MSN: variants seen among roughly 807,000 people sequenced by gnomAD.
MSN encodes moesin.
A neutral mutation model predicts 48.0 loss-of-function variants in MSN; 2 were observed. The observed-to-expected ratio is 0.04, with a 90% CI of 0.02 to 0.13. The LOEUF (loss-of-function observed/expected upper bound fraction) is 0.13, where lower values mean the gene tolerates loss of function less well. MSN is among the 10% of genes least tolerant of loss of function. MSN has a pLI of 1.00. For missense variants in MSN, 267 were observed against 470.1 expected (o/e 0.57, Z 3.99); for synonymous variants, 146 against 166.9 (o/e 0.87, Z 0.97).
chrX:65,624,653 C>T (rs1602730521), intron 1 of MSN: 1 of 100,905 alleles, frequency 9.9e-6, no homozygotes, highest in Non-Finnish European at 2.0e-5. Flanking sequence ...GCATTTAGAA[C>T]TATAAATTTC....
chrX:65,737,168 T>C lies in MSN; in HGVS notation c.1091-10T>C. The C allele has an allele frequency of 8.3e-7, 1 of 1,200,487 alleles. No individual in the cohort carries two copies. Among genetic ancestry groups the C allele is most frequent in the South Asian group, 1.8e-5 (1 of 55,235 alleles). The stretch of plus-strand genomic sequence containing the variant: ...CTCTTCACTGCCTTCTCCCCTCCTT[T>C]TCTGCTCAGAACTGGAAGAACAGAC... On this transcript the variant is annotated splice_polypyrimidine_tract_variant and intron_variant, in intron 9 of 12. Transcript: ENST00000360270.
At chrX:65,650,052 C>CTTTTT (rs59222247) in intron 1 of MSN, among the ~76,000 whole-genome samples, 13 of 53,194 alleles carry the variant, frequency 2.4e-4, no homozygotes, top group African/African-American at 2.9e-4. Flanking sequence ...CCTTTTTTCT[C>CTTTTT]TTTTTTTTTT....
intron 1 of MSN, among the ~76,000 whole-genome samples, chrX:65,601,201 G>A (rs1436610802): frequency 1.8e-5 from 2 of 111,572 alleles, no homozygotes; most frequent in Non-Finnish European, 1.9e-5. Context: ...CGTGTGACTG[G>A]GTCTAGTCTC....
At chrX:65,724,038 CTT>C (rs1195274042) in intron 2 of MSN, among the ~76,000 whole-genome samples, 8 of 101,981 alleles carry the variant, frequency 7.8e-5, no homozygotes, top group African/African-American at 7.1e-5. Context: ...TGAATTCTCT[CTT>C]TTTTTTTTTT....
intron 2 of MSN, among the ~76,000 whole-genome samples, chrX:65,720,427 G>A (rs141195101): frequency 0.012 from 1,350 of 112,319 alleles, 15 homozygotes; most frequent in African/African-American, 0.041. Context: ...GAGGGACAGA[G>A]GTGGACCCCA....
chrX:65,724,447 C>A (rs969741257), intron 2 of MSN, among the ~76,000 whole-genome samples: 2 of 110,842 alleles, frequency 1.8e-5, no homozygotes, highest in Non-Finnish European at 3.8e-5. Context: ...CCTGGCTAAT[C>A]CTCCTTCTCT....
At chrX:65,611,772 T>G (rs1191579970) in intron 1 of MSN, among the ~76,000 whole-genome samples, 2 of 110,855 alleles carry the variant, frequency 1.8e-5, no homozygotes, top group Non-Finnish European at 3.8e-5. Flanking sequence ...GGTTTTTAAT[T>G]TTTTGAGGTA....
chrX:65,724,496 A>C (rs2071548612), intron 2 of MSN, among the ~76,000 whole-genome samples: 1 of 110,468 alleles, frequency 9.1e-6, no homozygotes, highest in African/African-American at 3.3e-5. Context: ...GAAACAGACA[A>C]CGTGGTGCAA....
chrX:65,711,770 G>T (rs998352226), intron 1 of MSN, among the ~76,000 whole-genome samples: 1 of 111,545 alleles, frequency 9.0e-6, no homozygotes, highest in South Asian at 3.7e-4. Context: ...AGGCAAGAAT[G>T]ATTCGTGGCA....
intron 1 of MSN, among the ~76,000 whole-genome samples, chrX:65,671,889 C>T (rs2070945792): frequency 8.9e-6 from 1 of 111,847 alleles, no homozygotes; most frequent in Non-Finnish European, 1.9e-5. Flanking sequence ...TCTAACTTTC[C>T]ATTCTCTAGC....
At chrX:65,651,916 T>A (rs2070745520) in intron 1 of MSN, among the ~76,000 whole-genome samples, 1 of 107,257 alleles carries the variant, frequency 9.3e-6, no homozygotes, top group Non-Finnish European at 1.9e-5. Context: ...GCTCTTTACT[T>A]GCTGTGTTTC....
intron 7 of MSN, among the ~76,000 whole-genome samples, chrX:65,734,935 G>C (rs1205350623): frequency 2.7e-5 from 3 of 112,018 alleles, no homozygotes; most frequent in Non-Finnish European, 5.6e-5. Context: ...AGCAGAGAAA[G>C]TTTGAATCCT....
intron 2 of MSN, among the ~76,000 whole-genome samples, chrX:65,724,205 C>T (rs939537802): frequency 9.3e-6 from 1 of 107,652 alleles, no homozygotes; most frequent in Non-Finnish European, 1.9e-5. Context: ...AGTGCAATGG[C>T]GCGATCTCGG....
At chrX:65,611,885 T>A (rs1333937660) in intron 1 of MSN, among the ~76,000 whole-genome samples, 1 of 112,251 alleles carries the variant, frequency 8.9e-6, no homozygotes, top group Non-Finnish European at 1.9e-5. Flanking sequence ...CCACTCTTTT[T>A]GGGTTATAGC....
chrX:65,731,328 T>C (rs2071620405), intron 5 of MSN, 138 bp downstream of exon 5: 1 of 514,150 alleles, frequency 1.9e-6, no homozygotes, highest in Non-Finnish European at 3.2e-6. Context: ...GAAGGCAAAC[T>C]AGGACCATTA....
At chrX:65,713,162 T>A (rs766406558) in intron 1 of MSN, among the ~76,000 whole-genome samples, 98 of 111,816 alleles carry the variant, frequency 8.8e-4, no homozygotes, top group Admixed American at 2.5e-3. Flanking sequence ...AAGGACTAAA[T>A]CTCTAATTAT....
chrX:65,662,304 A>T (rs909128326), intron 1 of MSN, among the ~76,000 whole-genome samples: 6 of 112,638 alleles, frequency 5.3e-5, no homozygotes, highest in African/African-American at 1.9e-4. Flanking sequence ...ACATGGAACC[A>T]AAAAGGAGCC....
chrX:65,709,537 C>G (rs1026226169), intron 1 of MSN, among the ~76,000 whole-genome samples: 1 of 112,236 alleles, frequency 8.9e-6, no homozygotes. Context: ...CAGGGTGATC[C>G]TCTACGAGGG....
intron 1 of MSN, among the ~76,000 whole-genome samples, chrX:65,695,226 C>T (rs915608829): frequency 1.8e-4 from 20 of 110,287 alleles, no homozygotes; most frequent in African/African-American, 5.6e-4. Flanking sequence ...TCGGGCCGGG[C>T]GTGTTGGCTC....
Sources: gnomAD v4.1 joint callset for allele counts (sites outside exome capture counted in the v4.1 genomes callset) on GRCh38, gnomAD v4.1.1 for gene constraint, MANE v1.5 for transcripts, NCBI Gene and HGNC (gene_info 2026-07-23, HGNC 2026-07-21) for gene names.